CACNA1C: variants seen among roughly 807,000 people sequenced by gnomAD.
The protein encoded by CACNA1C is voltage-dependent L-type calcium channel subunit alpha-1C.
CACNA1C carries 30 observed loss-of-function variants against 229.0 expected under a neutral mutation model. The observed-to-expected ratio is 0.13, with a 90% CI of 0.10 to 0.18. The LOEUF (loss-of-function observed/expected upper bound fraction) is 0.18, where lower values mean the gene tolerates loss of function less well. CACNA1C is among the 10% of genes least tolerant of loss of function. The probability of loss-of-function intolerance (pLI) is 1.00; values close to 1 mark genes in which losing one functional copy is unlikely to be tolerated. For synonymous variants in CACNA1C, 1,114 were observed against 1,132.5 expected, an observed-to-expected ratio of 0.98 and a Z score of 0.33; for missense variants, 1,658 against 2,845.0, an observed-to-expected ratio of 0.58 and a Z score of 9.49.
rs1407904730 is a variant in CACNA1C, at chr12:2,106,437, G to A, written c.50-8787G>A. On this transcript the variant is annotated intron_variant, in intron 1 of 46. Coordinates refer to ENST00000399655, the MANE Select transcript of CACNA1C (RefSeq NM_000719.7). Reference sequence around the variant, plus strand: ...TGAAGCCACTGGGCGCCCACCCTGGGGAGGGTTTCCACCTCAGCTGGGGTG... The same window carrying A: ...TGAAGCCACTGGGCGCCCACCCTGGAGAGGGTTTCCACCTCAGCTGGGGTG... Among the ~76,000 whole-genome samples the A allele has an allele frequency of 6.4e-4, 52 of 81,090 alleles. 1 individual carries two copies. The highest frequency in any genetic ancestry group is 9.2e-4 in the Admixed American group (8 of 8,710). 53.2% of individuals were successfully genotyped at this position (81,090 alleles called of 152,430 possible).
At chr12:2,439,312 C>T (rs377172241) in intron 3 of CACNA1C, among the ~76,000 whole-genome samples, 57 of 152,294 alleles carry the variant, frequency 3.7e-4, no homozygotes, top group Non-Finnish European at 6.6e-4. Context: ...ACTGTTCAAA[C>T]GCTGGACACC....
At chr12:2,084,444 C>G (rs939316003) in intron 1 of CACNA1C, among the ~76,000 whole-genome samples, 1 of 152,214 alleles carries the variant, frequency 6.6e-6, no homozygotes, top group African/African-American at 2.4e-5. Context: ...TCTTATAGCC[C>G]TCCAGATTTT....
chr12:2,360,156 A>ACCCCCCCCCCCCCCCCCCC (rs796441635), intron 3 of CACNA1C, among the ~76,000 whole-genome samples: 1 of 57,076 alleles, frequency 1.8e-5, no homozygotes, highest in Non-Finnish European at 3.4e-5. Flanking sequence ...AACACACCCC[A>ACCCCCCCCCCCCCCCCCCC]CCCCCCCCCA....
intron 3 of CACNA1C, among the ~76,000 whole-genome samples, chr12:2,399,583 TCAA>T (rs1236989424): frequency 6.6e-6 from 1 of 152,210 alleles, no homozygotes; most frequent in Non-Finnish European, 1.5e-5. Context: ...TCTTCTCCTC[TCAA>T]TGTTCAGACA....
intron 1 of CACNA1C, among the ~76,000 whole-genome samples, chr12:2,001,877 T>A (rs2042271175): frequency 6.6e-6 from 1 of 152,152 alleles, no homozygotes; most frequent in Admixed American, 6.5e-5. Context: ...CAAAAACGTC[T>A]CCAGACACTG....
intron 1 of CACNA1C, among the ~76,000 whole-genome samples, chr12:2,079,287 A>T (rs535382195): frequency 1.9e-4 from 29 of 150,598 alleles, no homozygotes; most frequent in African/African-American, 6.2e-4. Flanking sequence ...AATAATAATT[A>T]AAAAAAAATA....
At chr12:2,102,059 A>G (rs917966556) in intron 1 of CACNA1C, among the ~76,000 whole-genome samples, 3 of 152,202 alleles carry the variant, frequency 2.0e-5, no homozygotes, top group East Asian at 3.8e-4. Flanking sequence ...CTGAGAATAC[A>G]GTGGTGCAAA....
At position 2,690,886 on chromosome 12, in the gene CACNA1C, C is replaced by A; in HGVS notation, c.6118-14C>A. 1 of 1,545,324 alleles carries A rather than the reference C, an allele frequency of 6.5e-7. No individual in the cohort carries two copies. The highest frequency in any genetic ancestry group is 8.8e-7 in the Non-Finnish European group (1 of 1,140,604). ...TTCCTTTGGTTCTTCATGGCTCCCACCCCGCTCCTTCAGGTCTTGATTTCA... is the reference window on the plus strand; with the variant it reads ...TTCCTTTGGTTCTTCATGGCTCCCAACCCGCTCCTTCAGGTCTTGATTTCA... On this transcript the variant is annotated splice_polypyrimidine_tract_variant and intron_variant, in intron 46 of 46. Coordinates refer to ENST00000399655, the MANE Select transcript of CACNA1C (RefSeq NM_000719.7).
intron 3 of CACNA1C, among the ~76,000 whole-genome samples, chr12:2,195,712 A>G (rs1447253594): frequency 6.6e-6 from 1 of 152,194 alleles, no homozygotes; most frequent in Admixed American, 6.5e-5. Context: ...AGGGAGTCGC[A>G]AGATTATATT....
chr12:2,504,094 T>C lies in CACNA1C; in HGVS notation c.1114-748T>C, dbSNP rs1022927068. 5.9e-5 allele frequency among the ~76,000 whole-genome samples: 9 copies of C among 152,198 alleles called. No homozygotes were observed. The highest frequency in any genetic ancestry group is 2.2e-4 in the African/African-American group (9 of 41,450). On this transcript the variant is annotated intron_variant, in intron 7 of 46. Coordinates refer to ENST00000399655, the MANE Select transcript of CACNA1C (RefSeq NM_000719.7). The surrounding 1 kb of genome is among the most constrained non-coding windows in gnomAD (Gnocchi z 6.8). ...GGCTTAATGTCCAGGCAAACCCAAG[T>C]GAGTTAAACCATCCCATGCTGAAGA...
chr12:2,537,823 C>A (rs1477558550), intron 9 of CACNA1C, among the ~76,000 whole-genome samples: 1 of 151,882 alleles, frequency 6.6e-6, no homozygotes, highest in African/African-American at 2.4e-5. Flanking sequence ...GGTCAGATAG[C>A]CTGTTTTCCC....
chr12:2,118,531 C>A (rs996868073), intron 2 of CACNA1C, among the ~76,000 whole-genome samples: 1 of 152,212 alleles, frequency 6.6e-6, no homozygotes, highest in African/African-American at 2.4e-5. Flanking sequence ...TGCTCTGTGA[C>A]CTGGCACAAG....
chr12:2,675,353 C>CT (rs2096752939), intron 39 of CACNA1C, among the ~76,000 whole-genome samples: 1 of 152,164 alleles, frequency 6.6e-6, no homozygotes, highest in Admixed American at 6.5e-5. Flanking sequence ...ACACATACGG[C>CT]TGGGTTCACA....
chr12:2,002,620 A>C (rs1212125665), intron 1 of CACNA1C, among the ~76,000 whole-genome samples: 1 of 152,200 alleles, frequency 6.6e-6, no homozygotes, highest in Non-Finnish European at 1.5e-5. Context: ...ACTATTATTC[A>C]AGAGAAATGC....
At chr12:2,436,183 C>CAA (rs1190651744) in intron 3 of CACNA1C, among the ~76,000 whole-genome samples, 23 of 152,118 alleles carry the variant, frequency 1.5e-4, no homozygotes, top group Non-Finnish European at 1.8e-4. Flanking sequence ...ATTGGGAATC[C>CAA]TTATAAGTTC....
At chr12:2,351,733 C>A (rs921706360) in intron 3 of CACNA1C, among the ~76,000 whole-genome samples, 1 of 152,208 alleles carries the variant, frequency 6.6e-6, no homozygotes, top group Non-Finnish European at 1.5e-5. Flanking sequence ...CGCCTGTGTC[C>A]TGGCTTAGGG....
chr12:1,983,103 T>C (rs950778410), intron 1 of CACNA1C, among the ~76,000 whole-genome samples: 3 of 152,058 alleles, frequency 2.0e-5, no homozygotes, highest in Non-Finnish European at 4.4e-5. Flanking sequence ...CTTTCATTTC[T>C]GATACTGCTA....
chr12:2,442,792 G>C (rs1001623365), intron 3 of CACNA1C, among the ~76,000 whole-genome samples: 2 of 152,152 alleles, frequency 1.3e-5, no homozygotes, highest in Admixed American at 6.5e-5. Context: ...AACAGAGCAA[G>C]AGAGAGAATG....
intron 1 of CACNA1C, among the ~76,000 whole-genome samples, chr12:1,995,502 C>A (rs1213272165): frequency 6.6e-6 from 1 of 152,246 alleles, no homozygotes; most frequent in Non-Finnish European, 1.5e-5. Context: ...TTCTTGGGTA[C>A]TCCACTGCTC....
Sources: allele counts gnomAD v4.1 joint callset (sites outside exome capture counted in the v4.1 genomes callset), GRCh38; gene constraint gnomAD v4.1.1; non-coding constraint Gnocchi (gnomAD v3.1); transcripts MANE v1.5; gene names NCBI Gene and HGNC (gene_info 2026-07-23, HGNC 2026-07-21).